The following TMEM44 variants were observed in gnomAD, a reference collection of about 807,000 sequenced individuals.
TMEM44 encodes transmembrane protein 44.
TMEM44 carries 43 observed loss-of-function variants against 47.8 expected under a neutral mutation model. The ratio of observed to expected loss-of-function variants is 0.90; its 90% CI spans 0.70 to 1.16. TMEM44 has a LOEUF of 1.16. Ranked by LOEUF, TMEM44 falls within the 50% of genes most tolerant of loss-of-function variation. The pLI, the probability that TMEM44 is intolerant of heterozygous loss-of-function variation, is 0.00. For synonymous variants in TMEM44, 277 were observed against 238.8 expected (o/e 1.16, Z -1.48); for missense variants, 568 against 555.2 (o/e 1.02, Z -0.23).
chr3:194,628,267 A>G, intron 2 of TMEM44, 116 bp downstream of exon 2: 1 of 1,364,444 alleles, frequency 7.3e-7, no homozygotes, highest in Non-Finnish European at 9.8e-7. Context: ...CTGAGGTGAC[A>G]CTGTGCTATG....
At chr3:194,627,481 C>A (rs1410945317) in intron 2 of TMEM44, among the ~76,000 whole-genome samples, 1 of 152,152 alleles carries the variant, frequency 6.6e-6, no homozygotes, top group African/African-American at 2.4e-5. Context: ...CTTGAAACTA[C>A]TTCTCACTTG....
intron 7 of TMEM44, among the ~76,000 whole-genome samples, chr3:194,613,500 GTTT>G (rs535338042): frequency 1.3e-5 from 2 of 149,582 alleles, no homozygotes; most frequent in Non-Finnish European, 3.0e-5. Context: ...TAAAAAAAAA[GTTT>G]TTTTTCGAGA....
chr3:194,597,504 CA>C (rs1713564048), intron 9 of TMEM44, among the ~76,000 whole-genome samples: 1 of 151,672 alleles, frequency 6.6e-6, no homozygotes, highest in South Asian at 2.1e-4. Flanking sequence ...ACTAAAAATA[CA>C]AAAAATTAGC....
intron 8 of TMEM44, among the ~76,000 whole-genome samples, chr3:194,606,031 T>C (rs1233827436): frequency 6.6e-6 from 1 of 152,120 alleles, no homozygotes; most frequent in Non-Finnish European, 1.5e-5. Flanking sequence ...CTGGGAAGGA[T>C]GCTGAAACAG....
chr3:194,622,617 T>G (rs1169772454), intron 5 of TMEM44: 1 of 149,480 alleles, frequency 6.7e-6, no homozygotes, highest in Non-Finnish European at 1.5e-5. Flanking sequence ...TGGCACAATC[T>G]CGGCTCACTG....
At chr3:194,632,864 C>A in intron 1 of TMEM44, 1 of 824,404 alleles carries the variant, frequency 1.2e-6, no homozygotes, top group Non-Finnish European at 1.8e-6. Context: ...ACCACCCAGC[C>A]TCCTCCCTTT....
chr3:194,625,207 G>T (rs937240254), intron 3 of TMEM44, among the ~76,000 whole-genome samples: 4 of 152,120 alleles, frequency 2.6e-5, no homozygotes, highest in African/African-American at 9.7e-5. Context: ...TGACCACCCC[G>T]AACTTGCACA....
intron 9 of TMEM44, among the ~76,000 whole-genome samples, chr3:194,593,369 A>ATTT (rs1712998543): frequency 6.6e-6 from 1 of 152,222 alleles, no homozygotes; most frequent in African/African-American, 2.4e-5. Flanking sequence ...AATTATTATT[A>ATTT]TTATTAGGAG....
intron 9 of TMEM44, among the ~76,000 whole-genome samples, chr3:194,594,840 C>G (rs2055845833): frequency 2.0e-5 from 3 of 152,152 alleles, no homozygotes; most frequent in Admixed American, 2.0e-4. Context: ...CTTTACAAAG[C>G]TTAAATCTTC....
chr3:194,607,161 T>C (rs1705872226), intron 8 of TMEM44, among the ~76,000 whole-genome samples: 1 of 152,004 alleles, frequency 6.6e-6, no homozygotes, highest in Admixed American at 6.6e-5. Context: ...TCTCACTTTG[T>C]TCTGCAAGAA....
intron 3 of TMEM44, 76 bp downstream of exon 3, chr3:194,625,821 T>C: frequency 1.5e-6 from 2 of 1,321,120 alleles, no homozygotes; most frequent in South Asian, 2.4e-5. Flanking sequence ...GCTCTGGGAG[T>C]GATAAGGAGT....
chr3:194,604,290 C>T lies in TMEM44; in HGVS notation c.1173G>A (p.Leu391=). 1.3e-6 allele frequency: 2 copies of T among 1,577,896 alleles called. No homozygotes were observed. Among genetic ancestry groups the T allele is most frequent in the Non-Finnish European group, 1.7e-6 (2 of 1,162,676 alleles). ...SSEVSSINSD[L]EWDPEDVNLE... is the part of the protein sequence containing the mutation. ...CCAGCAGGCAACAGCCGTGTACCTC[C>T]AGGTCGGAGTTGATGGAGGAGACCT... Residue 391 remains leucine (L), a synonymous_variant, in exon 9 of 10, where the codon CTG becomes CTA. Coordinates refer to ENST00000347147, the MANE Select transcript of TMEM44 (RefSeq NM_001011655.3).
chr3:194,628,615 C>T, intron 1 of TMEM44, 106 bp from the exon 2 acceptor site: 2 of 1,361,726 alleles, frequency 1.5e-6, no homozygotes, highest in Non-Finnish European at 2.0e-6. Context: ...GGAGCTCTTT[C>T]TGCCCGAGGT....
At position 194,603,046 on chromosome 3, in the gene TMEM44, GAC is replaced by G. The variant is rs1714331604; in HGVS notation, c.1176+1239_1176+1240del. Reference sequence around the variant, plus strand: ...AGACAGTCCTCTCCCCGCACCAAAAGACAGCTGGCAATTGTCTACTGACATAC... The same window carrying G: ...AGACAGTCCTCTCCCCGCACCAAAAGAGCTGGCAATTGTCTACTGACATAC... On this transcript the variant is annotated intron_variant, in intron 9 of 9. Transcript: ENST00000347147. 3.9e-5 allele frequency among the ~76,000 whole-genome samples: 6 copies of G among 152,154 alleles called. No individual in the cohort carries two copies. In the South Asian group the frequency reaches 1.0e-3, roughly 26 times the overall value.
chr3:194,624,773 A>G (rs893932310), intron 3 of TMEM44, among the ~76,000 whole-genome samples: 2 of 149,536 alleles, frequency 1.3e-5, no homozygotes, highest in Non-Finnish European at 1.5e-5. Flanking sequence ...CCCACGTTGG[A>G]GTGCAGTTGT....
intron 8 of TMEM44, among the ~76,000 whole-genome samples, chr3:194,608,783 T>A (rs912615492): frequency 4.6e-5 from 7 of 152,190 alleles, no homozygotes; most frequent in Non-Finnish European, 7.3e-5. Flanking sequence ...CCTCAAGCGA[T>A]ACTCCTACCT....
At chr3:194,603,760 C>T (rs534338514) in intron 9 of TMEM44, among the ~76,000 whole-genome samples, 3 of 152,238 alleles carry the variant, frequency 2.0e-5, no homozygotes, top group East Asian at 3.9e-4. Flanking sequence ...CGGTGAAGAC[C>T]GGGCCCCAAT....
At chr3:194,599,586 C>CTTTTT (rs35672774) in intron 9 of TMEM44, among the ~76,000 whole-genome samples, 4 of 129,030 alleles carry the variant, frequency 3.1e-5, no homozygotes, top group Non-Finnish European at 6.4e-5. Flanking sequence ...TTTTTCTTTT[C>CTTTTT]TTTTTTTTTT....
At chr3:194,604,775 C>T (rs1366252431) in intron 8 of TMEM44, among the ~76,000 whole-genome samples, 1 of 152,204 alleles carries the variant, frequency 6.6e-6, no homozygotes, top group Non-Finnish European at 1.5e-5. Context: ...AGTTCTGTAT[C>T]AGAAGATTTG....
Sources: allele counts gnomAD v4.1 joint callset (sites outside exome capture counted in the v4.1 genomes callset), GRCh38; gene constraint gnomAD v4.1.1; transcripts MANE v1.5; gene names NCBI Gene and HGNC (gene_info 2026-07-23, HGNC 2026-07-21).